Variants in SP100 observed in about 807,000 individuals in gnomAD.
The protein encoded by SP100 is nuclear autoantigen Sp-100.
In SP100, 84 loss-of-function variants were observed where a neutral mutation model predicts 130.0. That is an observed-to-expected ratio of 0.65 (90% CI 0.54 to 0.77). The LOEUF (loss-of-function observed/expected upper bound fraction) is 0.77, where lower values mean the gene tolerates loss of function less well. SP100 is among the 30% of genes least tolerant of loss of function. The pLI is 0.00. For missense variants in SP100, 978 were observed against 1,052.2 expected (o/e 0.93, Z 0.97); for synonymous variants, 331 against 351.7 (o/e 0.94, Z 0.66).
chr2:230,451,556 A>G (rs530489794), intron 8 of SP100, among the ~76,000 whole-genome samples: 1 of 152,250 alleles, frequency 6.6e-6, no homozygotes, highest in Non-Finnish European at 1.5e-5. Context: ...TCCTTATCAG[A>G]CACATGGTTT....
At chr2:230,430,966 G>A (rs1246699059) in intron 2 of SP100, among the ~76,000 whole-genome samples, 1 of 152,200 alleles carries the variant, frequency 6.6e-6, no homozygotes, top group African/African-American at 2.4e-5. Context: ...AATTTCTTTG[G>A]GGGTTCCCTG....
intron 24 of SP100, among the ~76,000 whole-genome samples, chr2:230,533,777 A>G (rs1246540375): frequency 6.6e-6 from 1 of 152,218 alleles, no homozygotes; most frequent in African/African-American, 2.4e-5. Context: ...GTCTAGGCCC[A>G]TGTGTCAGAA....
intron 11 of SP100, among the ~76,000 whole-genome samples, chr2:230,465,147 A>T (rs1553638386): frequency 6.6e-6 from 1 of 152,140 alleles, no homozygotes; most frequent in Non-Finnish European, 1.5e-5. Context: ...GAGGCCAAAG[A>T]ATCACTTGAA....
At chr2:230,442,623 C>T (rs1457217578) in intron 2 of SP100, among the ~76,000 whole-genome samples, 4 of 151,858 alleles carry the variant, frequency 2.6e-5, no homozygotes, top group African/African-American at 9.7e-5. Flanking sequence ...TTTATTCCAC[C>T]TAGATTCTGT....
chr2:230,468,535 T>C (rs570991957), intron 13 of SP100, among the ~76,000 whole-genome samples: 1 of 151,746 alleles, frequency 6.6e-6, no homozygotes, highest in Non-Finnish European at 1.5e-5. Flanking sequence ...CCAGGTGTGG[T>C]GGCTCACGCC....
At chr2:230,449,363 C>A in intron 6 of SP100, 198 bp from the exon 7 acceptor site, 1 of 780,852 alleles carries the variant, frequency 1.3e-6, no homozygotes, top group South Asian at 1.5e-5. Flanking sequence ...ACACTTGCTG[C>A]TGGTTCCTGC....
chr2:230,468,823 A>AAAAT (rs1441288495), intron 13 of SP100: 27 of 159,994 alleles, frequency 1.7e-4, no homozygotes, highest in African/African-American at 6.7e-4. Context: ...GTCTCAAAAA[A>AAAAT]AAAAAAAAAA....
chr2:230,464,009 T>C, intron 10 of SP100, 58 bp from the exon 11 acceptor site: 1 of 1,175,012 alleles, frequency 8.5e-7, no homozygotes, highest in Non-Finnish European at 1.3e-6. Flanking sequence ...AATTTCCTAC[T>C]GAACTGATTC....
At chr2:230,447,015 G>T (rs1266490045) in intron 5 of SP100, 113 bp downstream of exon 5, 1 of 654,106 alleles carries the variant, frequency 1.5e-6, no homozygotes, top group East Asian at 2.9e-5. Context: ...AAGTCAAGGA[G>T]AGAGTTATAT....
chr2:230,416,461 A>C, intron 1 of SP100, 133 bp downstream of exon 1: 1 of 774,882 alleles, frequency 1.3e-6, no homozygotes, highest in South Asian at 1.9e-5. Flanking sequence ...ATGTTATATA[A>C]TGAAATGAAA....
rs553400371 is a variant in SP100, at chr2:230,417,828, G to A, written c.107+163G>A. On this transcript the variant is annotated intron_variant, in intron 2 of 28. Coordinates refer to ENST00000340126, the MANE Select transcript of SP100 (RefSeq NM_001080391.2). ...CGTTGAGGTGTTTGTCCTTTTTTTC[G>A]TGATATGGGAGAATTCACTAAATAT... 3.4e-5 allele frequency among the ~76,000 whole-genome samples: 5 copies of A among 148,492 alleles called. No individual in the cohort carries two copies. The South Asian group carries it at 6.3e-4, about 19-fold the overall frequency.
intron 2 of SP100, among the ~76,000 whole-genome samples, chr2:230,422,107 G>T (rs2062784598): frequency 6.6e-6 from 1 of 151,904 alleles, no homozygotes. Flanking sequence ...TCCTTCTAGT[G>T]ATTAAAACAC....
intron 24 of SP100, among the ~76,000 whole-genome samples, chr2:230,526,550 G>A (rs971613799): frequency 6.6e-6 from 1 of 152,150 alleles, no homozygotes; most frequent in Non-Finnish European, 1.5e-5. Flanking sequence ...AACAAAACTG[G>A]ACGGAGAATG....
At chr2:230,478,775 TG>T (rs920026703) in intron 17 of SP100, among the ~76,000 whole-genome samples, 2 of 152,104 alleles carry the variant, frequency 1.3e-5, no homozygotes, top group African/African-American at 4.8e-5. Flanking sequence ...AAAATAGAGG[TG>T]CCTGAAATGA....
chr2:230,494,268 A>G (rs1407426644), intron 17 of SP100, 148 bp from the exon 18 acceptor site: 3 of 671,986 alleles, frequency 4.5e-6, no homozygotes, highest in African/African-American at 1.8e-5. Context: ...CGTGACAACA[A>G]CCAAGATGGG....
chr2:230,540,994 T>G lies in SP100; in HGVS notation c.2329T>G (p.Leu777Val), dbSNP rs1485557060. The G allele has an allele frequency of 1.9e-6, 3 of 1,610,068 alleles. No individual in the cohort carries two copies. Among genetic ancestry groups the G allele is most frequent in the Non-Finnish European group, 2.5e-6 (3 of 1,177,398 alleles). Residue 777 changes from leucine to valine, a missense_variant and splice_region_variant, in exon 26 of 29, where the codon TTG becomes GTG. By Grantham distance (32) the Leu-to-Val change is conservative. Transcript: ENST00000340126. Reference sequence around the variant, plus strand: ...GAGGCAGATGCTGCCTGAGGAGCAGTTGGTGAGTAAAAATGTGAACCTGAA... The same window carrying G: ...GAGGCAGATGCTGCCTGAGGAGCAGGTGGTGAGTAAAAATGTGAACCTGAA... ...LMRQMLPEEQLKCEFLLLKVY... is the reference protein window; with the variant it reads ...LMRQMLPEEQVKCEFLLLKVY...
At chr2:230,437,072 A>G (rs141151031) in intron 2 of SP100, among the ~76,000 whole-genome samples, 1 of 151,888 alleles carries the variant, frequency 6.6e-6, no homozygotes, top group African/African-American at 2.4e-5. Flanking sequence ...TATTTAAATG[A>G]CTTCACCATT....
chr2:230,417,529 A>G (rs577450696), intron 1 of SP100, 62 bp from the exon 2 acceptor site: 2 of 1,563,226 alleles, frequency 1.3e-6, no homozygotes, highest in Non-Finnish European at 1.7e-6. Context: ...AAACCTTAAA[A>G]ATGTAATTAT....
rs114287833 is a variant in SP100, at chr2:230,443,372, C to T, written c.270+273C>T. Among the ~76,000 whole-genome samples the T allele has an allele frequency of 9.5e-3, 1,446 of 152,272 alleles. 18 individuals are homozygous for T. Among genetic ancestry groups the T allele is most frequent in the African/African-American group, 0.033 (1,379 of 41,550 alleles). ...GTGAATGGTACTGGAGAAACTGGAA[C>T]GGAAACAGGTGTTCTCCATAAATGT... On this transcript the variant is annotated intron_variant, in intron 3 of 28. Coordinates refer to ENST00000340126, the MANE Select transcript of SP100 (RefSeq NM_001080391.2).
Sources: allele counts gnomAD v4.1 joint callset (sites outside exome capture counted in the v4.1 genomes callset), GRCh38; gene constraint gnomAD v4.1.1; transcripts MANE v1.5; gene names NCBI Gene and HGNC (gene_info 2026-07-23, HGNC 2026-07-21).